The following ARHGAP30 variants were observed in gnomAD, a reference collection of about 807,000 sequenced individuals.
ARHGAP30 encodes Rho GTPase activating protein 30, also known as rho GTPase-activating protein 30.
In ARHGAP30, 23 loss-of-function variants were observed where a neutral mutation model predicts 72.0. The observed-to-expected ratio is 0.32, with a 90% CI of 0.23 to 0.45. The LOEUF (loss-of-function observed/expected upper bound fraction) is 0.45, where lower values mean the gene tolerates loss of function less well. Ranked by LOEUF, ARHGAP30 falls within the 20% of genes least tolerant of loss-of-function variation. The pLI is 1.00. For missense variants in ARHGAP30, 1,319 were observed against 1,383.4 expected (o/e 0.95, Z 0.74); for synonymous variants, 576 against 528.2 (o/e 1.09, Z -1.24).
intron 1 of ARHGAP30, among the ~76,000 whole-genome samples, chr1:161,061,629 C>G (rs1652317692): frequency 6.6e-6 from 1 of 152,094 alleles, no homozygotes; most frequent in Non-Finnish European, 1.5e-5. Context: ...CCAGCAGCAC[C>G]CAGCTAGAGC....
intron 10 of ARHGAP30, 80 bp downstream of exon 10, chr1:161,051,234 G>C (rs1181317137): frequency 4.0e-6 from 6 of 1,502,186 alleles, no homozygotes; most frequent in Non-Finnish European, 5.3e-6. Context: ...GCCCTTCCTA[G>C]GGTGGATCTT....
intron 6 of ARHGAP30, 124 bp from the exon 7 acceptor site, chr1:161,052,921 A>G (rs1651523245): frequency 1.6e-6 from 2 of 1,216,848 alleles, no homozygotes; most frequent in Non-Finnish European, 2.2e-6. Context: ...CCCTGAAGAC[A>G]GTGCCTCCAT....
chr1:161,052,285 C>A lies in ARHGAP30; in HGVS notation c.1018+1G>T. 1 of 1,613,894 alleles carries A rather than the reference C, an allele frequency of 6.2e-7. No individual in the cohort carries two copies. Among genetic ancestry groups the A allele is most frequent in the Non-Finnish European group, 8.5e-7 (1 of 1,180,042 alleles). On this transcript the variant is annotated splice_donor_variant, in intron 9 of 11. Transcript: ENST00000368013. LOFTEE classifies it high-confidence loss of function. ...ACACAGAAATGCACCCCTATACTCA[C>A]CATCACTGGCCCCAGCTGCAGCACT...
chr1:161,047,895 A>G lies in ARHGAP30; in HGVS notation c.3126T>C (p.His1042=). 1 of 1,612,154 alleles carries G rather than the reference A, an allele frequency of 6.2e-7. No homozygotes were observed. Among genetic ancestry groups the G allele is most frequent in the African/African-American group, 1.3e-5 (1 of 74,964 alleles). ...CCAGGCAGCTAAGGGGCCGAGGAGA[A>G]TGGGCAGAGATCATGCTACAAGGGG... ...RTSPCSMISA[H]SPRPLSCLEL... Residue 1042 remains histidine, a synonymous_variant, in exon 12 of 12, where the codon CAT becomes CAC. Coordinates refer to ENST00000368013, the MANE Select transcript of ARHGAP30 (RefSeq NM_001025598.2).
At chr1:161,059,963 T>G (rs952947911) in intron 1 of ARHGAP30, among the ~76,000 whole-genome samples, 2 of 152,224 alleles carry the variant, frequency 1.3e-5, no homozygotes, top group Non-Finnish European at 1.5e-5. Context: ...CAGCTCTTTG[T>G]TAGAAAGTTC....
intron 3 of ARHGAP30, among the ~76,000 whole-genome samples, chr1:161,055,818 A>T (rs1651783879): frequency 6.1e-5 from 3 of 49,490 alleles, no homozygotes; most frequent in African/African-American, 1.5e-4. Flanking sequence ...AAAATAAAAT[A>T]AAATAAAATA....
chr1:161,049,649 T>G lies in ARHGAP30; in HGVS notation c.1461A>C (p.Ala487=). ...GAGCCAAGTCGTCTGGGCCTGAGTCTGCCAGGGGACTTGAGGCTGGACTTG... is the reference window on the plus strand; with the variant it reads ...GAGCCAAGTCGTCTGGGCCTGAGTCGGCCAGGGGACTTGAGGCTGGACTTG... ...LEASPASSPL[A]DSGPDDLAPA... is the part of the protein sequence containing the mutation. Residue 487 remains alanine, a synonymous_variant, in exon 11 of 12, where the codon GCA becomes GCC. Transcript: ENST00000368013. 2.5e-6 allele frequency: 4 copies of G among 1,613,990 alleles called. No homozygotes were observed. Among genetic ancestry groups the G allele is most frequent in the Non-Finnish European group, 3.4e-6 (4 of 1,179,940 alleles).
chr1:161,066,373 G>A (rs1224939657), intron 1 of ARHGAP30, among the ~76,000 whole-genome samples: 1 of 150,966 alleles, frequency 6.6e-6, no homozygotes, highest in Non-Finnish European at 1.5e-5. Context: ...GGGGCCTGGT[G>A]TGGTGGCTCA....
Position 161,048,923 on chromosome 1 carries a change from C to T in ARHGAP30, c.2098G>A (p.Glu700Lys). The T allele has an allele frequency of 1.2e-6, 2 of 1,614,072 alleles. No homozygotes were observed. Among genetic ancestry groups the T allele is most frequent in the Non-Finnish European group, 8.5e-7 (1 of 1,180,032 alleles). Reference protein sequence around the residue: ...EDRGEAGGSQETKVRLREGSR... With the variant: ...EDRGEAGGSQKTKVRLREGSR... ...CCTTCTCTCAATCTGACTTTTGTCT[C>T]TTGGCTTCCCCCAGCCTCCCCTCTA... Residue 700 changes from glutamate to lysine, a missense_variant, in exon 12 of 12, where the codon GAG (glutamate) becomes AAG (lysine). Physicochemically the swap from Glu to Lys is moderately conservative, Grantham distance 56 (BLOSUM62 1). Around this residue, in one of 2 missense-constraint regions of ARHGAP30, gnomAD observed 1,097 missense variants for 1,045.2 expected, o/e 1.05. Coordinates refer to ENST00000368013, the MANE Select transcript of ARHGAP30 (RefSeq NM_001025598.2).
chr1:161,064,439 G>A (rs1215818007), intron 1 of ARHGAP30, among the ~76,000 whole-genome samples: 1 of 152,166 alleles, frequency 6.6e-6, no homozygotes, highest in Non-Finnish European at 1.5e-5. Context: ...GGACTCATCA[G>A]AGCAATTCGT....
chr1:161,062,555 C>T (rs1652387592), intron 1 of ARHGAP30, among the ~76,000 whole-genome samples: 1 of 151,842 alleles, frequency 6.6e-6, no homozygotes, highest in Admixed American at 6.6e-5. Context: ...ATAGCAAAAC[C>T]CCGTCTCTAC....
intron 1 of ARHGAP30, among the ~76,000 whole-genome samples, chr1:161,059,965 A>G (rs1652192575): frequency 6.6e-6 from 1 of 152,190 alleles, no homozygotes; most frequent in Non-Finnish European, 1.5e-5. Context: ...GCTCTTTGTT[A>G]GAAAGTTCTG....
At chr1:161,050,441 G>A (rs1327425028) in intron 10 of ARHGAP30, among the ~76,000 whole-genome samples, 1 of 151,052 alleles carries the variant, frequency 6.6e-6, no homozygotes, top group Non-Finnish European at 1.5e-5. Context: ...TGGGATTACA[G>A]GCATGCCTCA....
rs76696132 is a variant in ARHGAP30, at chr1:161,051,535, C to T, written c.1199G>A (p.Gly400Asp). 16 of 1,614,064 alleles carry T rather than the reference C, an allele frequency of 9.9e-6. No individual in the cohort carries two copies. The South Asian group carries it at 1.2e-4, about 12-fold the overall frequency. ...AGCACAGCGTTCTGCACGGCTGCTG[C>T]CCCCAGCCCGGATGGCTGACCGCCC... ...RAGRSAIRAG[G>D]SSRAERCAGV... Residue 400 changes from glycine to aspartate, a missense_variant, in exon 10 of 12, where the codon GGC (glycine) becomes GAC (aspartate). Coordinates refer to ENST00000368013, the MANE Select transcript of ARHGAP30 (RefSeq NM_001025598.2).
intron 1 of ARHGAP30, among the ~76,000 whole-genome samples, chr1:161,060,596 CA>C (rs34508166): frequency 0.82 from 75,906 of 92,126 alleles, 30,117 homozygotes; most frequent in Middle Eastern, 0.92. Context: ...AACTCCATCT[CA>C]AAAAAAAAAA....
At position 161,047,961 on chromosome 1, in the gene ARHGAP30, G is replaced by T. The variant is rs1229196336; in HGVS notation, c.3060C>A (p.Thr1020=). Residue 1020 remains threonine, a synonymous_variant, in exon 12 of 12, where the codon ACC becomes ACA. Coordinates refer to ENST00000368013, the MANE Select transcript of ARHGAP30 (RefSeq NM_001025598.2). ...TEAQGVRRTQ[T]CTEGGDYCLI... ...GGCAGTAATCCCCACCCTCAGTACA[G>T]GTCTGGGTTCGCCGAACTCCTTGAG... is the stretch of plus-strand genomic sequence containing the variant. The T allele has an allele frequency of 1.2e-6, 2 of 1,614,014 alleles. No homozygotes were observed. Among genetic ancestry groups the T allele is most frequent in the Non-Finnish European group, 1.7e-6 (2 of 1,180,024 alleles).
chr1:161,061,445 G>A (rs923346970), intron 1 of ARHGAP30, among the ~76,000 whole-genome samples: 5 of 152,086 alleles, frequency 3.3e-5, no homozygotes, highest in Non-Finnish European at 4.4e-5. Context: ...GAGCCACCGC[G>A]CCTGACCTGC....
At position 161,047,942 on chromosome 1, in the gene ARHGAP30, A is replaced by G. The variant is rs1432367441; in HGVS notation, c.3079T>C (p.Tyr1027His). 1.2e-6 allele frequency: 2 copies of G among 1,613,608 alleles called. No individual in the cohort carries two copies. Among genetic ancestry groups the G allele is most frequent in the African/African-American group, 1.3e-5 (1 of 74,872 alleles). ...RTQTCTEGGD[Y>H]CLIPRTSPCS... ...GGGGAGGTTCTGGGGATGAGGCAGT[A>G]ATCCCCACCCTCAGTACAGGTCTGG... Residue 1027 changes from tyrosine to histidine, a missense_variant, in exon 12 of 12, where the codon TAC (tyrosine) becomes CAC (histidine). Tyr to His is a moderately conservative substitution (Grantham distance 83). Transcript: ENST00000368013.
At position 161,051,576 on chromosome 1, in the gene ARHGAP30, T is replaced by G. The variant is rs772124584; in HGVS notation, c.1158A>C (p.Pro386=). ...AEALGGTNSE[P]GTPRAGRSAI... The stretch of plus-strand genomic sequence containing the variant: ...CTGACCGCCCAGCTCGTGGTGTGCC[T>G]GGTTCAGAGTTTGTGCCACCCAGTG... The change falls in exon 10 of 12, where the codon CCA becomes CCC. Residue 386 remains proline, a synonymous_variant. Transcript: ENST00000368013. 2 of 1,613,968 alleles carry G rather than the reference T, an allele frequency of 1.2e-6. No individual in the cohort carries two copies. The highest frequency in any genetic ancestry group is 3.3e-4 in the Middle Eastern group (2 of 6,060).
Sources: allele counts gnomAD v4.1 joint callset (sites outside exome capture counted in the v4.1 genomes callset), GRCh38; gene constraint gnomAD v4.1.1; regional missense constraint gnomAD v4.1.1; transcripts MANE v1.5; gene names NCBI Gene and HGNC (gene_info 2026-07-23, HGNC 2026-07-21).